ME3: variants seen among roughly 807,000 people sequenced by gnomAD.
The protein encoded by ME3 is NADP-dependent malic enzyme, mitochondrial.
ME3 carries 48 observed loss-of-function variants against 68.9 expected under a neutral mutation model. The observed-to-expected ratio is 0.70, with a 90% CI of 0.55 to 0.89. The LOEUF is 0.89. Ranked by LOEUF, ME3 falls within the 40% of genes least tolerant of loss-of-function variation. The pLI is 0.00. For missense variants in ME3, 675 were observed against 797.4 expected, an observed-to-expected ratio of 0.85 and a Z score of 1.85; for synonymous variants, 320 against 318.8, an observed-to-expected ratio of 1.00 and a Z score of -0.04.
At chr11:86,587,909 G>C (rs1958833643) in intron 2 of ME3, among the ~76,000 whole-genome samples, 1 of 152,194 alleles carries the variant, frequency 6.6e-6, no homozygotes, top group African/African-American at 2.4e-5. Flanking sequence ...CTGTTTGAAA[G>C]TCCTGGATTA....
At chr11:86,549,409 T>C (rs1019476468) in intron 4 of ME3, among the ~76,000 whole-genome samples, 1 of 152,244 alleles carries the variant, frequency 6.6e-6, no homozygotes, top group African/African-American at 2.4e-5. Flanking sequence ...AGCTGGCATT[T>C]GCCATTGGCC....
chr11:86,660,886 T>A (rs981784226), intron 2 of ME3, among the ~76,000 whole-genome samples: 3 of 150,668 alleles, frequency 2.0e-5, no homozygotes, highest in African/African-American at 7.5e-5. Context: ...TAAAAGATTT[T>A]TTGTGGCTTT....
intron 2 of ME3, among the ~76,000 whole-genome samples, chr11:86,649,723 G>A (rs1364641589): frequency 6.6e-6 from 1 of 152,100 alleles, no homozygotes; most frequent in Non-Finnish European, 1.5e-5. Flanking sequence ...CCTATGAAGG[G>A]AATAAAATAC....
intron 6 of ME3, among the ~76,000 whole-genome samples, chr11:86,487,866 C>T (rs1288493086): frequency 2.6e-5 from 4 of 152,186 alleles, no homozygotes; most frequent in Non-Finnish European, 4.4e-5. Context: ...CAGTAACACT[C>T]GCAGTTGTGG....
chr11:86,652,510 G>A (rs945193216), intron 2 of ME3, among the ~76,000 whole-genome samples: 4 of 151,976 alleles, frequency 2.6e-5, no homozygotes, highest in African/African-American at 9.7e-5. Flanking sequence ...CATAAGTGAA[G>A]GAGAAATAAA....
At chr11:86,502,659 T>A (rs1398138234) in intron 5 of ME3, among the ~76,000 whole-genome samples, 4 of 152,230 alleles carry the variant, frequency 2.6e-5, no homozygotes, top group African/African-American at 9.6e-5. Flanking sequence ...CTGGGCAGCA[T>A]CCTTGAACTT....
At chr11:86,513,249 T>G (rs1009260563) in intron 4 of ME3, among the ~76,000 whole-genome samples, 11 of 152,232 alleles carry the variant, frequency 7.2e-5, no homozygotes, top group African/African-American at 2.7e-4. Context: ...TTCAAAGTTC[T>G]TTTTTCTTTT....
chr11:86,651,481 C>G (rs1945425244), intron 2 of ME3, among the ~76,000 whole-genome samples: 1 of 152,232 alleles, frequency 6.6e-6, no homozygotes, highest in Non-Finnish European at 1.5e-5. Flanking sequence ...CCCAGGCAAA[C>G]AGCGTCTGGA....
At chr11:86,545,809 A>G (rs1279639283) in intron 4 of ME3, among the ~76,000 whole-genome samples, 1 of 152,194 alleles carries the variant, frequency 6.6e-6, no homozygotes, top group Non-Finnish European at 1.5e-5. Flanking sequence ...ATTAGAAAAA[A>G]CTACTTTAAA....
chr11:86,578,700 C>G (rs1235499830), intron 2 of ME3, among the ~76,000 whole-genome samples: 1 of 152,170 alleles, frequency 6.6e-6, no homozygotes, highest in Non-Finnish European at 1.5e-5. Flanking sequence ...CACAGGAGAT[C>G]ACAGCGATCA....
chr11:86,520,325 C>T lies in ME3; in HGVS notation c.468-11458G>A, dbSNP rs1306830174. On this transcript the variant is annotated intron_variant, in intron 4 of 14. Coordinates refer to ENST00000543262, the Ensembl canonical transcript of ME3. The stretch of plus-strand genomic sequence containing the variant: ...ACTTGAGATTAACAAGTGCTTAGGC[C>T]CTGTACTGATTTCATGCATTCTGCT... Among the ~76,000 whole-genome samples the T allele has an allele frequency of 2.6e-5, 4 of 152,174 alleles. 1 individual carries two copies. Among genetic ancestry groups the T allele is most frequent in the South Asian group, 4.1e-4 (2 of 4,824 alleles).
At chr11:86,478,306 CAATG>C (rs1009641741) in intron 7 of ME3, among the ~76,000 whole-genome samples, 1 of 80,120 alleles carries the variant, frequency 1.2e-5, no homozygotes, top group African/African-American at 5.2e-5. Flanking sequence ...TCTCCTCTGA[CAATG>C]AAAGCCTAAG....
rs558495816 is a variant in ME3, at chr11:86,521,423, C to T, written c.468-12556G>A. Among the ~76,000 whole-genome samples the T allele has an allele frequency of 3.1e-4, 27 of 85,986 alleles. 1 individual carries two copies. Among genetic ancestry groups the T allele is most frequent in the South Asian group, 1.8e-3 (5 of 2,740 alleles). 56.4% of individuals were successfully genotyped at this position (85,986 alleles called of 152,430 possible). ...AACAAACAAACAAAACAAAACAAAA[C>T]AAAACAAAAATAATAATAATAATAA... On this transcript the variant is annotated intron_variant, in intron 4 of 14. Transcript: ENST00000543262.
intron 5 of ME3, among the ~76,000 whole-genome samples, chr11:86,506,264 C>T (rs1006999972): frequency 3.9e-5 from 6 of 152,140 alleles, no homozygotes; most frequent in African/African-American, 7.2e-5. Flanking sequence ...AAAATCACAG[C>T]GGTTGTGGTC....
chr11:86,665,431 G>A (rs2135510169), intron 2 of ME3, among the ~76,000 whole-genome samples: 1 of 152,260 alleles, frequency 6.6e-6, no homozygotes, highest in Non-Finnish European at 1.5e-5. Flanking sequence ...TGTGCTCTAG[G>A]AAGGAGGATC....
rs1431754823 is a variant in ME3 at position 86,536,706 on chromosome 11, AC to A, written c.467+19846del. Among the ~76,000 whole-genome samples, 32 of 148,248 alleles carry A rather than the reference AC, an allele frequency of 2.2e-4. No individual in the cohort carries two copies. The East Asian group carries it at 6.3e-3, about 29-fold the overall frequency. Reference sequence around the variant, plus strand: ...GTTGGTGGGACTGTAAACTAGTTCAACCATTGTGGAAGTCAGTGTGGCGATT... The same window carrying A: ...GTTGGTGGGACTGTAAACTAGTTCAACATTGTGGAAGTCAGTGTGGCGATT... On this transcript the variant is annotated intron_variant, in intron 4 of 14. Transcript: ENST00000543262.
chr11:86,488,541 C>G (rs653715), intron 6 of ME3, among the ~76,000 whole-genome samples: 1 of 151,910 alleles, frequency 6.6e-6, no homozygotes, highest in African/African-American at 2.4e-5. Flanking sequence ...AGCCTGTGTT[C>G]AGGGCCCCTC....
intron 2 of ME3, among the ~76,000 whole-genome samples, chr11:86,652,100 G>C (rs1945480475): frequency 6.6e-6 from 1 of 152,182 alleles, no homozygotes; most frequent in East Asian, 1.9e-4. Context: ...TCTGTGAAAA[G>C]ACCAAATCTA....
intron 2 of ME3, among the ~76,000 whole-genome samples, chr11:86,603,438 G>A (rs1052257711): frequency 3.9e-5 from 6 of 152,178 alleles, no homozygotes; most frequent in African/African-American, 1.2e-4. Context: ...TCATTAAAAA[G>A]TCAGGAAACA....
Sources: allele counts gnomAD v4.1 joint callset (sites outside exome capture counted in the v4.1 genomes callset), GRCh38; gene constraint gnomAD v4.1.1; transcripts MANE v1.5; gene names NCBI Gene and HGNC (gene_info 2026-07-23, HGNC 2026-07-21).